TMPRSS3: variants seen among roughly 807,000 people sequenced by gnomAD.
TMPRSS3 encodes the protein transmembrane protease serine 3.
In TMPRSS3, 55 loss-of-function variants were observed where a neutral mutation model predicts 59.6. The ratio of observed to expected loss-of-function variants is 0.92; its 90% CI spans 0.74 to 1.16. The LOEUF (loss-of-function observed/expected upper bound fraction) is 1.16. Ranked by LOEUF, TMPRSS3 falls within the 50% of genes most tolerant of loss-of-function variation. The pLI is 0.00. For missense variants in TMPRSS3, 596 were observed against 579.4 expected (o/e 1.03, Z -0.29); for synonymous variants, 257 against 237.7 (o/e 1.08, Z -0.75).
At chr21:42,393,320 A>G (rs1201768697) in intron 2 of TMPRSS3, among the ~76,000 whole-genome samples, 1 of 152,352 alleles carries the variant, frequency 6.6e-6, no homozygotes, top group Middle Eastern at 3.4e-3. Flanking sequence ...CTACATGCCA[A>G]CTTCACAATG....
At position 42,382,184 on chromosome 21, in the gene TMPRSS3, A is replaced by G; in HGVS notation, c.833T>C (p.Leu278Ser). 6.2e-7 allele frequency: 1 copy of G among 1,614,222 alleles called. No homozygotes were observed. The highest frequency in any genetic ancestry group is 8.5e-7 in the Non-Finnish European group (1 of 1,180,044). ...CAAGTGGGATGGGGCTGGATTGTCC[A>G]ACAGGGAAACTAGACCCACCTGGAT... Reference protein sequence around the residue: ...WTIQVGLVSLLDNPAPSHLVE... With the variant: ...WTIQVGLVSLSDNPAPSHLVE... Residue 278 changes from leucine (L) to serine (S), a missense_variant, in exon 9 of 13, where the codon TTG (leucine) becomes TCG (serine). Leu to Ser is a moderately radical substitution (Grantham distance 145, BLOSUM62 -2). Transcript: ENST00000644384.
Position 42,383,170 on chromosome 21 carries a change from T to C in TMPRSS3, c.645A>G (p.Ser215=). 6.2e-7 allele frequency: 1 copy of C among 1,613,968 alleles called. No individual in the cohort carries two copies. Among genetic ancestry groups the C allele is most frequent in the Non-Finnish European group, 8.5e-7 (1 of 1,179,950 alleles). ...TACGHRRGYS[S]RIVGGNMSLL... ...AGGACATGTTTCCACCCACGATGCG[T>C]GAGCTGTAGCCCCTTCTATGACCAC... Residue 215 remains serine, a synonymous_variant, in exon 8 of 13, where the codon TCA becomes TCG. Coordinates refer to ENST00000644384, the MANE Select transcript of TMPRSS3 (RefSeq NM_001256317.3).
chr21:42,383,726 G>A (rs73225481), intron 7 of TMPRSS3: 348 of 697,432 alleles, frequency 5.0e-4, no homozygotes, highest in Non-Finnish European at 7.6e-4. Flanking sequence ...GGGACATCAT[G>A]GGCCTTGGTC....
At position 42,388,278 on chromosome 21, in the gene TMPRSS3, G is replaced by A. The variant is rs2052668098; in HGVS notation, c.446+125C>T. ...AGGATGATATCGGGCATCCTAAGGT[G>A]GATGTGAGGATGTAATCTGAGAGCG... On this transcript the variant is annotated intron_variant, in intron 5 of 12. Coordinates refer to ENST00000644384, the MANE Select transcript of TMPRSS3 (RefSeq NM_001256317.3). This position sits in a 1 kb window ranked among gnomAD's most constrained non-coding sequence, Gnocchi z 5.1. 1 of 1,295,060 alleles carries A rather than the reference G, an allele frequency of 7.7e-7. No individual in the cohort carries two copies. Among genetic ancestry groups the A allele is most frequent in the South Asian group, 1.2e-5 (1 of 81,938 alleles). The allele number at this position is 1,295,060 out of a possible 1,614,324, so 80.2% of individuals were successfully genotyped here. A position where few individuals can be genotyped will look rare whatever the true frequency, so the allele number is the denominator to read the frequency against.
rs192083827 is a variant in TMPRSS3 at position 42,388,993 on chromosome 21, G to A, written c.258C>T (p.Ile86=). Reference sequence around the variant, plus strand: ...CTCCGTCACATCGAGCTATCAGCTCGATACACTTAAAGGATGAGCGACATC... The same window carrying A: ...CTCCGTCACATCGAGCTATCAGCTCAATACACTTAAAGGATGAGCGACATC... The part of the protein sequence containing the change: ...KYRCRSSFKC[I]ELIARCDGVS... The change falls in exon 4 of 13, where the codon ATC becomes ATT. Residue 86 remains isoleucine, a synonymous_variant. Transcript: ENST00000644384. This position sits in a 1 kb window ranked among gnomAD's most constrained non-coding sequence, Gnocchi z 5.1. The A allele has an allele frequency of 6.9e-5, 112 of 1,614,182 alleles. 1 individual carries two copies. Among genetic ancestry groups the A allele is most frequent in the South Asian group, 4.4e-4 (40 of 91,080 alleles).
rs2052672053 is a variant in TMPRSS3, at chr21:42,388,449, T to A, written c.400A>T (p.Lys134Ter). The A allele has an allele frequency of 2.5e-6, 4 of 1,614,236 alleles. No individual in the cohort carries two copies. The highest frequency in any genetic ancestry group is 3.4e-6 in the Non-Finnish European group (4 of 1,180,036). ...SWKTMCSDDW[K>*]GHYANVACAQ... is the part of the protein sequence containing the mutation. ...CAGGCAACATTTGCGTAGTGACCCT[T>A]CCAGTCATCGGAGCACATGGTCTTC... Residue 134 changes from lysine (K) to a stop codon, truncating the protein, a stop_gained, in exon 5 of 13, where the codon AAG becomes TAG. Coordinates refer to ENST00000644384, the MANE Select transcript of TMPRSS3 (RefSeq NM_001256317.3). LOFTEE classifies it high-confidence loss of function. This position sits in a 1 kb window ranked among gnomAD's most constrained non-coding sequence, Gnocchi z 5.1.
chr21:42,372,029 G>T lies in TMPRSS3; in HGVS notation c.*733C>A, dbSNP rs1480423410. ...CCACATGTGAAAATAAGTCTTGGAA[G>T]TAGAAAGGGTGGGTTTGGTTCTGGT... On this transcript the variant is annotated 3_prime_UTR_variant, in exon 13 of 13. Coordinates refer to ENST00000644384, the MANE Select transcript of TMPRSS3 (RefSeq NM_001256317.3). 2.2e-6 allele frequency: 1 copy of T among 454,356 alleles called. No homozygotes were observed. The highest frequency in any genetic ancestry group is 4.4e-6 in the Non-Finnish European group (1 of 226,806). The allele number at this position is 454,356 out of a possible 1,614,324, so 28.1% of individuals were successfully genotyped here.
chr21:42,393,863 A>G (rs772869569), intron 2 of TMPRSS3, among the ~76,000 whole-genome samples: 1 of 152,258 alleles, frequency 6.6e-6, no homozygotes, highest in Non-Finnish European at 1.5e-5. Context: ...CCCATCAGCC[A>G]TAGTTTGTCA....
chr21:42,372,626 G>C lies in TMPRSS3; in HGVS notation c.*136C>G, dbSNP rs754041925. 5 of 894,012 alleles carry C rather than the reference G, an allele frequency of 5.6e-6. No homozygotes were observed. Among genetic ancestry groups the C allele is most frequent in the East Asian group, 2.4e-5 (1 of 41,518 alleles). 55.4% of individuals were successfully genotyped at this position (894,012 alleles called of 1,614,324 possible). ...AATCAGATGGAAGGGTGCCTCTTTCGGGCCTGCTACTGGTGCCGGAACTCA... is the reference window on the plus strand; with the variant it reads ...AATCAGATGGAAGGGTGCCTCTTTCCGGCCTGCTACTGGTGCCGGAACTCA... On this transcript the variant is annotated 3_prime_UTR_variant, in exon 13 of 13. Transcript: ENST00000644384.
chr21:42,389,182 G>T, intron 3 of TMPRSS3, 137 bp from the exon 4 acceptor site: 2 of 1,518,136 alleles, frequency 1.3e-6, no homozygotes, highest in Non-Finnish European at 1.8e-6. Context: ...CCTGTCAGCA[G>T]CCTGTTTCCT....
chr21:42,387,004 C>G (rs531118545), intron 5 of TMPRSS3, among the ~76,000 whole-genome samples: 1 of 152,116 alleles, frequency 6.6e-6, no homozygotes, highest in African/African-American at 2.4e-5. Context: ...CATCGCATTC[C>G]CTGGATTTCC....
chr21:42,375,942 C>T, intron 11 of TMPRSS3, 74 bp from the exon 12 acceptor site: 1 of 1,586,452 alleles, frequency 6.3e-7, no homozygotes, highest in South Asian at 1.1e-5. Flanking sequence ...GGACAGTCTG[C>T]CGTGTGAGGC....
chr21:42,377,739 G>A (rs887058347), intron 10 of TMPRSS3, among the ~76,000 whole-genome samples: 4 of 152,160 alleles, frequency 2.6e-5, no homozygotes, highest in Non-Finnish European at 5.9e-5. Context: ...GACCCTGAGG[G>A]GCTGCTCTGA....
At chr21:42,379,800 C>T (rs1337782110) in intron 10 of TMPRSS3, among the ~76,000 whole-genome samples, 2 of 152,124 alleles carry the variant, frequency 1.3e-5, no homozygotes, top group Non-Finnish European at 2.9e-5. Flanking sequence ...GGAGGGTTGT[C>T]TAGGTGGGCT....
chr21:42,383,629 G>A, intron 7 of TMPRSS3: 1 of 544,446 alleles, frequency 1.8e-6, no homozygotes, highest in South Asian at 1.9e-5. Context: ...GGAACGAGGG[G>A]CACTGCCCGA....
chr21:42,372,099 G>A lies in TMPRSS3; in HGVS notation c.*663C>T. ...CAGTGACTGCAGTTCTGCACTTCTG[G>A]GCTGGTGCGTCTTTTCTGAGTGGCT... On this transcript the variant is annotated 3_prime_UTR_variant, in exon 13 of 13. Coordinates refer to ENST00000644384, the MANE Select transcript of TMPRSS3 (RefSeq NM_001256317.3). 2.2e-6 allele frequency: 1 copy of A among 454,286 alleles called. No homozygotes were observed. The allele number at this position is 454,286 out of a possible 1,614,324, so 28.1% of individuals were successfully genotyped here.
chr21:42,386,168 G>A (rs572720393), intron 5 of TMPRSS3, among the ~76,000 whole-genome samples: 1 of 152,212 alleles, frequency 6.6e-6, no homozygotes, highest in Non-Finnish European at 1.5e-5. Context: ...TGTTTGGAGA[G>A]TCACAAGATG....
At chr21:42,393,724 C>T (rs113393660) in intron 2 of TMPRSS3, among the ~76,000 whole-genome samples, 4,463 of 152,248 alleles carry the variant, frequency 0.029, 265 homozygotes, top group Admixed American at 0.13. Flanking sequence ...ATGGGCCATG[C>T]GGTCTGTCCT....
chr21:42,382,299 G>C (rs1351967929), intron 8 of TMPRSS3, 65 bp from the exon 9 acceptor site: 1 of 1,447,336 alleles, frequency 6.9e-7, no homozygotes. Context: ...ATTGACCTCA[G>C]GTATCCTGAA....
Sources: allele counts gnomAD v4.1 joint callset (sites outside exome capture counted in the v4.1 genomes callset), GRCh38; gene constraint gnomAD v4.1.1; non-coding constraint Gnocchi (gnomAD v3.1); transcripts MANE v1.5; gene names NCBI Gene and HGNC (gene_info 2026-07-23, HGNC 2026-07-21).